Variants in EXT1 observed in about 807,000 individuals in gnomAD.
The protein encoded by EXT1 is exostosin-1.
EXT1 carries 20 observed loss-of-function variants against 82.5 expected under a neutral mutation model. The ratio of observed to expected loss-of-function variants is 0.24; its 90% CI spans 0.17 to 0.35. The LOEUF (loss-of-function observed/expected upper bound fraction) is 0.35, where lower values mean the gene tolerates loss of function less well. Among genes scored for constraint, EXT1 ranks in the 10% least tolerant of loss-of-function variants. The pLI is 1.00. For missense variants in EXT1, 757 were observed against 936.5 expected (o/e 0.81, Z 2.50); for synonymous variants, 348 against 350.8 (o/e 0.99, Z 0.09).
intron 1 of EXT1, among the ~76,000 whole-genome samples, chr8:117,843,892 C>T (rs1322056497): frequency 8.5e-5 from 13 of 152,084 alleles, no homozygotes; most frequent in Admixed American, 8.5e-4. Context: ...TTGGTCAGCC[C>T]ATACAACATG....
At chr8:117,989,022 T>C (rs1054175209) in intron 1 of EXT1, among the ~76,000 whole-genome samples, 4 of 147,638 alleles carry the variant, frequency 2.7e-5, no homozygotes, top group African/African-American at 7.6e-5. Flanking sequence ...GGCCAGGAGT[T>C]TGAGACCAGC....
intron 1 of EXT1, among the ~76,000 whole-genome samples, chr8:117,939,647 C>T (rs1814236436): frequency 6.6e-6 from 1 of 151,718 alleles, no homozygotes; most frequent in African/African-American, 2.4e-5. Context: ...TAAAGTCCCA[C>T]AACTGATAAC....
chr8:117,883,808 C>G (rs141660857), intron 1 of EXT1, among the ~76,000 whole-genome samples: 19 of 152,312 alleles, frequency 1.2e-4, no homozygotes, highest in Admixed American at 4.6e-4. Flanking sequence ...ACCAGGCAGC[C>G]GTCTAACAGC....
chr8:118,071,593 C>T (rs1304146280), intron 1 of EXT1, among the ~76,000 whole-genome samples: 1 of 152,000 alleles, frequency 6.6e-6, no homozygotes, highest in Non-Finnish European at 1.5e-5. Context: ...ATGAGTAAGG[C>T]TAAAAATAGC....
At chr8:118,013,089 C>T (rs1157778806) in intron 1 of EXT1, among the ~76,000 whole-genome samples, 1 of 151,954 alleles carries the variant, frequency 6.6e-6, no homozygotes, top group Non-Finnish European at 1.5e-5. Flanking sequence ...GGCTGGAGTA[C>T]AGTGGCACAA....
chr8:117,805,896 G>A (rs1472917597), intron 9 of EXT1, among the ~76,000 whole-genome samples: 1 of 152,128 alleles, frequency 6.6e-6, no homozygotes, highest in Non-Finnish European at 1.5e-5. Context: ...CTCCACCCCT[G>A]AGCTTTTTCC....
At chr8:117,879,165 T>C (rs888988843) in intron 1 of EXT1, among the ~76,000 whole-genome samples, 4 of 152,216 alleles carry the variant, frequency 2.6e-5, no homozygotes, top group African/African-American at 9.6e-5. Flanking sequence ...GAATAGGTTG[T>C]AGCATTTATC....
chr8:118,023,707 G>A (rs977402237), intron 1 of EXT1, among the ~76,000 whole-genome samples: 5 of 152,196 alleles, frequency 3.3e-5, no homozygotes, highest in African/African-American at 1.2e-4. Context: ...ACACTAAAGA[G>A]GTAGATGAAG....
rs575381682 is a variant in EXT1 at position 117,812,800 on chromosome 8, G to A, written c.1722+72C>T. 11 of 1,311,024 alleles carry A rather than the reference G, an allele frequency of 8.4e-6. No individual in the cohort carries two copies. In the East Asian group the frequency reaches 2.6e-4, roughly 31 times the overall value. 81.2% of individuals were successfully genotyped at this position (1,311,024 alleles called of 1,614,324 possible). On this transcript the variant is annotated intron_variant, in intron 8 of 10. Transcript: ENST00000378204. ...TTCTGCCAAGGCACGGCTAAAAGAA[G>A]CATTAGCATCGTGCAACATGAGGTG...
chr8:117,836,035 C>G (rs1267968684), intron 2 of EXT1, among the ~76,000 whole-genome samples: 1 of 152,170 alleles, frequency 6.6e-6, no homozygotes, highest in African/African-American at 2.4e-5. Context: ...GTGGACTTAA[C>G]CAGTATAGAG....
chr8:118,092,081 C>T (rs1817535176), intron 1 of EXT1, among the ~76,000 whole-genome samples: 1 of 152,058 alleles, frequency 6.6e-6, no homozygotes, highest in African/African-American at 2.4e-5. Context: ...GAGCCCAAGT[C>T]GAGTATAAAG....
intron 1 of EXT1, among the ~76,000 whole-genome samples, chr8:117,973,926 A>AAAGGAAGG (rs1196438624): frequency 4.2e-4 from 30 of 71,682 alleles, no homozygotes; most frequent in African/African-American, 1.6e-3. Context: ...AGAAAGGCAG[A>AAAGGAAGG]AAGCAAGGAA....
intron 1 of EXT1, among the ~76,000 whole-genome samples, chr8:118,017,620 T>C (rs1816026235): frequency 6.6e-6 from 1 of 152,162 alleles, no homozygotes; most frequent in African/African-American, 2.4e-5. Flanking sequence ...AAAACAGATA[T>C]CAGGTAGAAA....
intron 1 of EXT1, among the ~76,000 whole-genome samples, chr8:117,928,380 CA>C (rs751546946): frequency 2.2e-4 from 33 of 152,310 alleles, no homozygotes; most frequent in Non-Finnish European, 4.1e-4. Context: ...TGGTTGAATG[CA>C]GGCATGTACA....
intron 1 of EXT1, among the ~76,000 whole-genome samples, chr8:118,067,948 C>A (rs1010526179): frequency 1.5e-4 from 23 of 152,174 alleles, no homozygotes; most frequent in African/African-American, 5.1e-4. Context: ...AAGACATAGC[C>A]ATGGTGGCAC....
chr8:117,807,437 A>G (rs1823256579), intron 8 of EXT1, 60 bp from the exon 9 acceptor site: 9 of 1,580,868 alleles, frequency 5.7e-6, no homozygotes, highest in South Asian at 1.1e-5. Flanking sequence ...TCAACAAAAC[A>G]TTACCTTCTC....
chr8:118,050,280 A>G (rs986726637), intron 1 of EXT1, among the ~76,000 whole-genome samples: 5 of 152,238 alleles, frequency 3.3e-5, no homozygotes, highest in African/African-American at 7.2e-5. Flanking sequence ...CACTGGCTGA[A>G]TATCTGTGAG....
intron 1 of EXT1, among the ~76,000 whole-genome samples, chr8:118,074,413 G>C (rs963895061): frequency 1.4e-4 from 22 of 152,318 alleles, no homozygotes; most frequent in African/African-American, 4.3e-4. Flanking sequence ...GTGCTCCCGT[G>C]AAGTTCAAAG....
At chr8:117,942,625 C>T (rs904583319) in intron 1 of EXT1, among the ~76,000 whole-genome samples, 3 of 151,986 alleles carry the variant, frequency 2.0e-5, no homozygotes, top group Non-Finnish European at 4.4e-5. Context: ...GCAGGAGAAT[C>T]GCTTGAACCT....
Sources: gnomAD v4.1 joint callset for allele counts (sites outside exome capture counted in the v4.1 genomes callset) on GRCh38, gnomAD v4.1.1 for gene constraint, MANE v1.5 for transcripts, NCBI Gene and HGNC (gene_info 2026-07-23, HGNC 2026-07-21) for gene names.